The following SORCS3 variants were observed in gnomAD, a reference collection of about 807,000 sequenced individuals.
SORCS3 encodes sortilin related VPS10 domain containing receptor 3.
A neutral mutation model predicts 146.3 loss-of-function variants in SORCS3; 57 were observed. The ratio of observed to expected loss-of-function variants is 0.39; its 90% CI spans 0.31 to 0.49. SORCS3 has a LOEUF of 0.49. SORCS3 is among the 20% of genes least tolerant of loss of function. The pLI is 0.92. For synonymous variants in SORCS3, 653 were observed against 618.5 expected, an observed-to-expected ratio of 1.06 and a Z score of -0.83; for missense variants, 1,341 against 1,575.5, an observed-to-expected ratio of 0.85 and a Z score of 2.52.
At chr10:104,702,203 A>G (rs990306419) in intron 1 of SORCS3, among the ~76,000 whole-genome samples, 5 of 152,162 alleles carry the variant, frequency 3.3e-5, no homozygotes, top group African/African-American at 9.7e-5. Flanking sequence ...ATGGAAACAC[A>G]CTGTGTTTTC....
intron 3 of SORCS3, among the ~76,000 whole-genome samples, chr10:104,956,889 C>T (rs1291113403): frequency 6.6e-6 from 1 of 152,142 alleles, no homozygotes; most frequent in Non-Finnish European, 1.5e-5. Context: ...CCCACAGACA[C>T]CAAAATGAAT....
intron 1 of SORCS3, among the ~76,000 whole-genome samples, chr10:104,746,388 G>A (rs950589741): frequency 2.0e-5 from 3 of 152,156 alleles, no homozygotes; most frequent in African/African-American, 4.8e-5. Flanking sequence ...CGCCCGCCTT[G>A]GCCTCCCAGA....
chr10:104,752,943 A>ACCAAG (rs1388675087), intron 1 of SORCS3, among the ~76,000 whole-genome samples: 13 of 147,350 alleles, frequency 8.8e-5, no homozygotes, highest in Admixed American at 1.3e-4. Context: ...GAAAAACCAA[A>ACCAAG]CCAAGCCAAC....
intron 1 of SORCS3, among the ~76,000 whole-genome samples, chr10:104,724,533 A>G (rs1428096266): frequency 6.6e-6 from 1 of 151,988 alleles, no homozygotes; most frequent in Non-Finnish European, 1.5e-5. Context: ...GCCTTACTAG[A>G]TTGGGGAAGT....
intron 9 of SORCS3, among the ~76,000 whole-genome samples, chr10:105,150,688 C>A (rs1283353461): frequency 6.6e-6 from 1 of 152,136 alleles, no homozygotes; most frequent in Non-Finnish European, 1.5e-5. Flanking sequence ...TTCTAGAAAA[C>A]ATGTAATACC....
chr10:105,012,193 T>C (rs1365372656), intron 4 of SORCS3, among the ~76,000 whole-genome samples: 2 of 152,164 alleles, frequency 1.3e-5, no homozygotes, highest in African/African-American at 4.8e-5. Flanking sequence ...GCACCCATAC[T>C]TGTGTTTCCA....
At chr10:105,023,749 G>A (rs774639057) in intron 4 of SORCS3, among the ~76,000 whole-genome samples, 4 of 151,938 alleles carry the variant, frequency 2.6e-5, no homozygotes, top group African/African-American at 7.2e-5. Context: ...TGTGTTCCTC[G>A]CCTGGGGACA....
At chr10:104,920,259 T>C (rs568414656) in intron 3 of SORCS3, among the ~76,000 whole-genome samples, 18 of 152,264 alleles carry the variant, frequency 1.2e-4, no homozygotes, top group Non-Finnish European at 2.1e-4. Context: ...ATACATCAAA[T>C]GAGATCTGTT....
intron 1 of SORCS3, among the ~76,000 whole-genome samples, chr10:104,707,469 C>T (rs1412825199): frequency 6.6e-6 from 1 of 152,152 alleles, no homozygotes; most frequent in Non-Finnish European, 1.5e-5. Flanking sequence ...GAACCAGACT[C>T]TCTGATTAAC....
intron 1 of SORCS3, among the ~76,000 whole-genome samples, chr10:104,770,796 G>A (rs969869342): frequency 7.9e-5 from 12 of 152,152 alleles, no homozygotes; most frequent in African/African-American, 2.7e-4. Flanking sequence ...TCCAGCCTCT[G>A]CACTCCAGCC....
chr10:104,754,428 C>T (rs2017023181), intron 1 of SORCS3, among the ~76,000 whole-genome samples: 1 of 152,190 alleles, frequency 6.6e-6, no homozygotes, highest in Non-Finnish European at 1.5e-5. Flanking sequence ...AGCATCATTG[C>T]TTGCCCTTAT....
intron 1 of SORCS3, among the ~76,000 whole-genome samples, chr10:104,805,287 C>A (rs1455240073): frequency 6.6e-6 from 1 of 152,150 alleles, no homozygotes; most frequent in African/African-American, 2.4e-5. Flanking sequence ...GCCTGGGAAG[C>A]TTTCATGGAG....
chr10:105,028,403 T>G (rs1226992117), intron 4 of SORCS3, among the ~76,000 whole-genome samples: 1 of 152,228 alleles, frequency 6.6e-6, no homozygotes, highest in East Asian at 1.9e-4. Flanking sequence ...TTAGGCATCA[T>G]GCTGATCTCC....
chr10:104,943,292 G>A (rs961167202), intron 3 of SORCS3, among the ~76,000 whole-genome samples: 93 of 152,176 alleles, frequency 6.1e-4, no homozygotes, highest in African/African-American at 2.2e-3. Context: ...GCCATGCCCA[G>A]CTAATGTTTT....
At position 105,064,594 on chromosome 10, in the gene SORCS3, G is replaced by A. The variant is rs114106560; in HGVS notation, c.1028+21466G>A. ...CTGAGGCCGAAGGCTTGAGAACCTG[G>A]GCGGGGGGTTGCTGGTTGAAGTCCA... On this transcript the variant is annotated intron_variant, in intron 5 of 26. Coordinates refer to ENST00000369701, the MANE Select transcript of SORCS3 (RefSeq NM_014978.3). Among the ~76,000 whole-genome samples, 353 of 151,134 alleles carry A rather than the reference G, an allele frequency of 2.3e-3. 3 individuals are homozygous for A. Among genetic ancestry groups the A allele is most frequent in the African/African-American group, 8.0e-3 (330 of 41,448 alleles).
At chr10:104,974,999 T>G (rs539030680) in intron 3 of SORCS3, among the ~76,000 whole-genome samples, 1 of 152,272 alleles carries the variant, frequency 6.6e-6, no homozygotes, top group African/African-American at 2.4e-5. Flanking sequence ...AAAATTCTTT[T>G]CTTTAAGAAT....
At chr10:104,845,959 G>A (rs927292461) in intron 2 of SORCS3, among the ~76,000 whole-genome samples, 2 of 152,218 alleles carry the variant, frequency 1.3e-5, no homozygotes, top group East Asian at 3.9e-4. Context: ...GATTGACCAG[G>A]TTCACAGAAG....
intron 1 of SORCS3, among the ~76,000 whole-genome samples, chr10:104,707,932 T>C (rs1344618225): frequency 6.6e-6 from 1 of 152,170 alleles, no homozygotes. Flanking sequence ...GAAGAGAAGG[T>C]TGGACTTGAC....
intron 1 of SORCS3, among the ~76,000 whole-genome samples, chr10:104,756,621 GC>G (rs2017055683): frequency 6.6e-6 from 1 of 152,172 alleles, no homozygotes; most frequent in Admixed American, 6.5e-5. Flanking sequence ...AGTGGAGAAA[GC>G]ATCCCAAGAG....
Sources: gnomAD v4.1 joint callset for allele counts (sites outside exome capture counted in the v4.1 genomes callset) on GRCh38, gnomAD v4.1.1 for gene constraint, MANE v1.5 for transcripts, NCBI Gene and HGNC (gene_info 2026-07-23, HGNC 2026-07-21) for gene names.